Variants in SORCS1 observed in about 807,000 individuals in gnomAD.
SORCS1 encodes the protein sortilin related VPS10 domain containing receptor 1, also known as VPS10 domain-containing receptor SorCS1.
A neutral mutation model predicts 146.1 loss-of-function variants in SORCS1; 60 were observed. The ratio of observed to expected loss-of-function variants is 0.41; its 90% CI spans 0.33 to 0.51. The LOEUF (loss-of-function observed/expected upper bound fraction) is 0.51, where lower values mean the gene tolerates loss of function less well. SORCS1 is among the 20% of genes least tolerant of loss of function. SORCS1 has a pLI of 0.21. For synonymous variants in SORCS1, 637 were observed against 584.0 expected, an observed-to-expected ratio of 1.09 and a Z score of -1.31; for missense variants, 1,352 against 1,487.6, an observed-to-expected ratio of 0.91 and a Z score of 1.50.
chr10:106,679,122 A>G, intron 12 of SORCS1, 134 bp downstream of exon 12: 1 of 590,488 alleles, frequency 1.7e-6, no homozygotes, highest in East Asian at 2.7e-5. Context: ...TTATATAAAA[A>G]GGAAAAATAA....
intron 18 of SORCS1, among the ~76,000 whole-genome samples, chr10:106,636,014 C>T (rs1371622213): frequency 1.3e-5 from 2 of 152,128 alleles, no homozygotes; most frequent in Non-Finnish European, 1.5e-5. Context: ...AACAGTTCAA[C>T]GTACCCTGGC....
Position 106,761,604 on chromosome 10 carries a change from G to A in SORCS1, c.943C>T (p.Pro315Ser). 2 of 1,614,066 alleles carry A rather than the reference G, an allele frequency of 1.2e-6. No individual in the cohort carries two copies. ...RWQLIQEGVV[P>S]NRFYWSVMGS... ...GAGACTTACCAGTAGAACCTGTTTG[G>A]TACAACCCCTTCTTGGATAAGCTGC... Residue 315 changes from proline to serine, a missense_variant, in exon 5 of 26, where the codon CCA becomes TCA. Pro to Ser is a moderately conservative substitution (Grantham distance 74, BLOSUM62 -1). Coordinates refer to ENST00000263054, the MANE Select transcript of SORCS1 (RefSeq NM_052918.5).
chr10:106,648,172 G>C (rs1564815657), intron 18 of SORCS1, among the ~76,000 whole-genome samples: 1 of 151,750 alleles, frequency 6.6e-6, no homozygotes, highest in Non-Finnish European at 1.5e-5. Context: ...TTTAGTATTT[G>C]TTTTCTATTT....
intron 3 of SORCS1, among the ~76,000 whole-genome samples, chr10:106,825,479 A>G (rs979819176): frequency 6.6e-6 from 1 of 151,836 alleles, no homozygotes; most frequent in African/African-American, 2.4e-5. Context: ...TCACCATGTT[A>G]GCCAGGATGG....
intron 3 of SORCS1, among the ~76,000 whole-genome samples, chr10:106,809,455 C>A (rs955549129): frequency 6.6e-6 from 1 of 151,934 alleles, no homozygotes; most frequent in African/African-American, 2.4e-5. Flanking sequence ...GATCCCCCTG[C>A]TAGCCCTGTA....
intron 2 of SORCS1, among the ~76,000 whole-genome samples, chr10:106,897,717 AT>A (rs1429289591): frequency 2.0e-5 from 3 of 152,170 alleles, no homozygotes; most frequent in African/African-American, 7.2e-5. Flanking sequence ...AAAAAAAAAA[AT>A]GTCATGAATA....
At chr10:106,768,167 A>T (rs1410810562) in intron 4 of SORCS1, among the ~76,000 whole-genome samples, 3 of 152,180 alleles carry the variant, frequency 2.0e-5, no homozygotes, top group Non-Finnish European at 4.4e-5. Context: ...ACATTTAGCG[A>T]GCTCCCTGGT....
chr10:106,905,968 A>G (rs1041194417), intron 2 of SORCS1, among the ~76,000 whole-genome samples: 1 of 152,210 alleles, frequency 6.6e-6, no homozygotes, highest in African/African-American at 2.4e-5. Flanking sequence ...CTTAATTTCT[A>G]TCCTCTCATA....
intron 1 of SORCS1, among the ~76,000 whole-genome samples, chr10:106,969,380 C>A (rs1276248462): frequency 1.3e-5 from 2 of 152,132 alleles, no homozygotes; most frequent in East Asian, 3.9e-4. Context: ...AGAACCAGTT[C>A]CTGAATAAGG....
intron 2 of SORCS1, among the ~76,000 whole-genome samples, chr10:106,882,706 G>A (rs897513390): frequency 2.0e-5 from 3 of 152,074 alleles, no homozygotes; most frequent in Non-Finnish European, 2.9e-5. Flanking sequence ...TTGTGTGGAG[G>A]CGGGGACAAA....
intron 1 of SORCS1, among the ~76,000 whole-genome samples, chr10:107,088,431 A>C (rs1449590830): frequency 6.6e-6 from 1 of 152,042 alleles, no homozygotes; most frequent in Non-Finnish European, 1.5e-5. Context: ...GGACGGTGGG[A>C]TTTCCCTGAT....
intron 5 of SORCS1, among the ~76,000 whole-genome samples, chr10:106,759,747 C>A (rs57509692): frequency 0.029 from 4,487 of 152,118 alleles, 203 homozygotes; most frequent in African/African-American, 0.1. Flanking sequence ...CTTGCTGCCC[C>A]CTTCTCTCTC....
chr10:107,107,102 C>T (rs1470259393), intron 1 of SORCS1, among the ~76,000 whole-genome samples: 1 of 152,206 alleles, frequency 6.6e-6, no homozygotes, highest in Non-Finnish European at 1.5e-5. Context: ...GCTGCTATCC[C>T]AAACACCTAA....
At chr10:106,712,105 G>A (rs986032928) in intron 6 of SORCS1, among the ~76,000 whole-genome samples, 2 of 152,168 alleles carry the variant, frequency 1.3e-5, no homozygotes, top group Non-Finnish European at 2.9e-5. Context: ...GAATCACTGA[G>A]ACAATGAGTA....
At chr10:107,024,454 T>C (rs1958305542) in intron 1 of SORCS1, among the ~76,000 whole-genome samples, 1 of 152,118 alleles carries the variant, frequency 6.6e-6, no homozygotes, top group Admixed American at 6.6e-5. Context: ...TCACAAGGAA[T>C]CTGCCCCCAT....
intron 1 of SORCS1, among the ~76,000 whole-genome samples, chr10:107,044,736 T>C (rs1475189829): frequency 6.8e-6 from 1 of 146,200 alleles, no homozygotes; most frequent in African/African-American, 2.5e-5. Flanking sequence ...GGCAGGAGAA[T>C]CGCTTGAGTA....
intron 1 of SORCS1, among the ~76,000 whole-genome samples, chr10:107,003,367 T>C (rs940725225): frequency 6.6e-6 from 1 of 152,120 alleles, no homozygotes; most frequent in East Asian, 1.9e-4. Flanking sequence ...ATATTTTGTA[T>C]ATTTATGTAT....
chr10:107,175,726 C>T, the SORCS1 span, among the ~76,000 whole-genome samples: 17 of 152,092 alleles, frequency 1.1e-4, no homozygotes, highest in South Asian at 2.1e-4. Context: ...TGTGAGCCAC[C>T]GTGCCCAGCC....
chr10:106,976,969 T>G (rs1338949941), intron 1 of SORCS1, among the ~76,000 whole-genome samples: 1 of 152,212 alleles, frequency 6.6e-6, no homozygotes. Flanking sequence ...TTCCATGTCT[T>G]TGCTATTGCA....
Sources: allele counts gnomAD v4.1 joint callset (sites outside exome capture counted in the v4.1 genomes callset), GRCh38; gene constraint gnomAD v4.1.1; transcripts MANE v1.5; gene names NCBI Gene and HGNC (gene_info 2026-07-23, HGNC 2026-07-21).